SRRM4: variants seen among roughly 807,000 people sequenced by gnomAD.
SRRM4 encodes serine/arginine repetitive matrix protein 4.
SRRM4 carries 33 observed loss-of-function variants against 68.9 expected under a neutral mutation model. The ratio of observed to expected loss-of-function variants is 0.48; its 90% CI spans 0.36 to 0.64. The LOEUF (loss-of-function observed/expected upper bound fraction) is 0.64, where lower values mean the gene tolerates loss of function less well. Ranked by LOEUF, SRRM4 falls within the 30% of genes least tolerant of loss-of-function variation. The pLI, the probability that SRRM4 is intolerant of heterozygous loss-of-function variation, is 0.00. For missense variants in SRRM4, 817 were observed against 827.1 expected (o/e 0.99, Z 0.15); for synonymous variants, 318 against 318.8 (o/e 1.00, Z 0.03).
chr12:119,105,286 G>A (rs1249693630), intron 2 of SRRM4, among the ~76,000 whole-genome samples: 1 of 152,204 alleles, frequency 6.6e-6, no homozygotes. Context: ...ACATACACGT[G>A]CATGTGTCTT....
At chr12:119,127,262 C>T (rs984197782) in intron 7 of SRRM4, among the ~76,000 whole-genome samples, 4 of 152,006 alleles carry the variant, frequency 2.6e-5, no homozygotes, top group Admixed American at 6.6e-5. Flanking sequence ...TGTTTGGAAT[C>T]GTTGATGTTC....
intron 1 of SRRM4, among the ~76,000 whole-genome samples, chr12:119,024,504 C>A (rs1953535707): frequency 6.6e-6 from 1 of 152,230 alleles, no homozygotes; most frequent in Non-Finnish European, 1.5e-5. Context: ...AACACACACA[C>A]ATAGAAGCCC....
chr12:119,147,132 G>A (rs752915416), intron 9 of SRRM4, among the ~76,000 whole-genome samples: 13 of 152,146 alleles, frequency 8.5e-5, no homozygotes, highest in East Asian at 1.9e-4. Flanking sequence ...TTCAGTGCTC[G>A]GAAGGTATGA....
chr12:119,133,797 A>C (rs1196869756), intron 8 of SRRM4, among the ~76,000 whole-genome samples: 1 of 152,204 alleles, frequency 6.6e-6, no homozygotes, highest in Non-Finnish European at 1.5e-5. Context: ...TTATCTCAGG[A>C]TCCAATTACT....
intron 1 of SRRM4, among the ~76,000 whole-genome samples, chr12:119,099,783 A>G (rs1954067430): frequency 1.3e-5 from 2 of 152,184 alleles, no homozygotes; most frequent in African/African-American, 4.8e-5. Context: ...AGGAGGCCTC[A>G]GTTCTTCTTC....
chr12:119,055,003 G>C (rs1953767588), intron 1 of SRRM4, among the ~76,000 whole-genome samples: 1 of 152,068 alleles, frequency 6.6e-6, no homozygotes, highest in African/African-American at 2.4e-5. Flanking sequence ...CCAGGGTGGG[G>C]TCATGCCCCC....
intron 1 of SRRM4, among the ~76,000 whole-genome samples, chr12:119,085,722 A>G (rs1953975943): frequency 6.6e-6 from 1 of 152,188 alleles, no homozygotes; most frequent in South Asian, 2.1e-4. Flanking sequence ...GGCCAGGGTC[A>G]GGGTGAAAGC....
chr12:119,152,972 C>T (rs1446982690), intron 10 of SRRM4, among the ~76,000 whole-genome samples: 1 of 152,178 alleles, frequency 6.6e-6, no homozygotes, highest in African/African-American at 2.4e-5. Flanking sequence ...CATCTCTTAC[C>T]AGCTGTGTTT....
At chr12:119,148,979 A>G (rs1954421286) in intron 9 of SRRM4, among the ~76,000 whole-genome samples, 2 of 152,298 alleles carry the variant, frequency 1.3e-5, no homozygotes, top group South Asian at 2.1e-4. Context: ...AGCTGCACAG[A>G]TCAAGGTTTG....
At chr12:119,130,016 C>T (rs7960426) in intron 7 of SRRM4, among the ~76,000 whole-genome samples, 1 of 145,286 alleles carries the variant, frequency 6.9e-6, no homozygotes, top group South Asian at 2.2e-4. Context: ...TGGATGAATG[C>T]ATAGATGGTT....
chr12:119,097,454 A>G (rs953816235), intron 1 of SRRM4, among the ~76,000 whole-genome samples: 8 of 152,026 alleles, frequency 5.3e-5, no homozygotes, highest in African/African-American at 1.9e-4. Context: ...ATGAATGTTC[A>G]TTGAGCAGGA....
intron 9 of SRRM4, among the ~76,000 whole-genome samples, chr12:119,148,992 G>A (rs1235961847): frequency 1.3e-5 from 2 of 152,194 alleles, no homozygotes; most frequent in Non-Finnish European, 2.9e-5. Context: ...AAGGTTTGGG[G>A]CTCTGGGTGG....
At chr12:118,988,697 C>T (rs1426043144) in intron 1 of SRRM4, among the ~76,000 whole-genome samples, 1 of 152,120 alleles carries the variant, frequency 6.6e-6, no homozygotes, top group Non-Finnish European at 1.5e-5. Flanking sequence ...TTTATTGAAC[C>T]ACTACTCAAC....
chr12:118,984,992 G>C (rs560889986), intron 1 of SRRM4, among the ~76,000 whole-genome samples: 67 of 152,278 alleles, frequency 4.4e-4, no homozygotes, highest in African/African-American at 1.6e-3. Context: ...GATTTAGTTA[G>C]GTAAAGCTCT....
chr12:118,996,710 A>T (rs1267146960), intron 1 of SRRM4, among the ~76,000 whole-genome samples: 2 of 152,214 alleles, frequency 1.3e-5, no homozygotes, highest in African/African-American at 2.4e-5. Flanking sequence ...GGTAGATGTG[A>T]GACTCAGAGA....
At chr12:119,052,076 C>G (rs1002817701) in intron 1 of SRRM4, among the ~76,000 whole-genome samples, 1 of 152,168 alleles carries the variant, frequency 6.6e-6, no homozygotes, top group Non-Finnish European at 1.5e-5. Context: ...TTCTGCCTCT[C>G]GGGAGTCTAT....
rs1954487751 is a variant in SRRM4 at position 119,158,474 on chromosome 12, C to T, written c.*1676C>T. 2 of 152,420 alleles carry T rather than the reference C, an allele frequency of 1.3e-5. No individual in the cohort carries two copies. The highest frequency in any genetic ancestry group is 2.4e-5 in the African/African-American group (1 of 41,466). 9.4% of individuals were successfully genotyped at this position (152,420 alleles called of 1,614,324 possible). On this transcript the variant is annotated 3_prime_UTR_variant, in exon 13 of 13. Transcript: ENST00000267260. The stretch of plus-strand genomic sequence containing the variant: ...GCTAGAGACTGCCATGCAACCACCA[C>T]CACGACAGCCCTTCCTCCATCAGAA...
intron 1 of SRRM4, among the ~76,000 whole-genome samples, chr12:119,088,398 C>T (rs947124429): frequency 6.6e-6 from 1 of 152,132 alleles, no homozygotes; most frequent in African/African-American, 2.4e-5. Context: ...GGGCTCCTCA[C>T]CAAGCAGAAA....
Position 119,154,291 on chromosome 12 carries a change from C to A in SRRM4, c.1440C>A (p.Arg480=), listed in dbSNP as rs2136070251. ...AGAAGGACTCGCAGCAGCGGGAGCG[C>A]GAGCGAGCGCGTCGGAGACGTCGGT... The part of the protein sequence containing the change: ...YSEKDSQQRE[R]ERARRRRRSY... Residue 480 remains arginine (R), a synonymous_variant, in exon 12 of 13, where the codon CGC becomes CGA. Coordinates refer to ENST00000267260, the MANE Select transcript of SRRM4 (RefSeq NM_194286.4). The surrounding 1 kb of genome is among the most constrained non-coding windows in gnomAD (Gnocchi z 4.7). 1.2e-6 allele frequency: 2 copies of A among 1,611,060 alleles called. No individual in the cohort carries two copies.
Sources: gnomAD v4.1 joint callset for allele counts (sites outside exome capture counted in the v4.1 genomes callset) on GRCh38, gnomAD v4.1.1 for gene constraint, Gnocchi (gnomAD v3.1) non-coding constraint, MANE v1.5 for transcripts, NCBI Gene and HGNC (gene_info 2026-07-23, HGNC 2026-07-21) for gene names.